Variants in ERC2 observed in about 807,000 individuals in gnomAD.
ERC2 encodes the protein ELKS/RAB6-interacting/CAST family member 2.
ERC2 carries 42 observed loss-of-function variants against 114.8 expected under a neutral mutation model. The observed-to-expected ratio is 0.37, with a 90% confidence interval of 0.29 to 0.47. The LOEUF is 0.47. Ranked by LOEUF, ERC2 falls within the 20% of genes least tolerant of loss-of-function variation. ERC2 has a pLI of 0.99. For missense variants in ERC2, 939 were observed against 1,150.7 expected (o/e 0.82, Z 2.66); for synonymous variants, 454 against 425.5 (o/e 1.07, Z -0.82).
chr3:56,133,173 C>T lies in ERC2; in HGVS notation c.1473+6336G>A, dbSNP rs112684006. On this transcript the variant is annotated intron_variant, in intron 6 of 17. Coordinates refer to ENST00000288221, the MANE Select transcript of ERC2 (RefSeq NM_015576.3). ...TTAAATGAGGCCAGACATGGTGGCT[C>T]ACGCCTGTAATCCCAGCATTTTGGG... Among the ~76,000 whole-genome samples the T allele has an allele frequency of 3.6e-3, 543 of 152,320 alleles. 5 individuals carry two copies. The highest frequency in any genetic ancestry group is 0.012 in the African/African-American group (505 of 41,562).
intron 17 of ERC2, among the ~76,000 whole-genome samples, chr3:55,543,173 T>C (rs1485434785): frequency 1.3e-5 from 2 of 151,566 alleles, no homozygotes; most frequent in Non-Finnish European, 2.9e-5. Flanking sequence ...AGTGGAGGAG[T>C]AAGGCTGAAA....
intron 3 of ERC2, among the ~76,000 whole-genome samples, chr3:56,175,662 A>G (rs947999548): frequency 1.3e-5 from 2 of 152,108 alleles, no homozygotes; most frequent in Non-Finnish European, 2.9e-5. Flanking sequence ...CTGCACCCCC[A>G]TGGCCAATAT....
At chr3:56,117,589 G>C (rs191743701) in intron 6 of ERC2, among the ~76,000 whole-genome samples, 3 of 152,350 alleles carry the variant, frequency 2.0e-5, no homozygotes, top group East Asian at 1.9e-4. Flanking sequence ...ATCAGGATAA[G>C]AGGACTCCCT....
At position 55,833,270 on chromosome 3, in the gene ERC2, T is replaced by C. The variant is rs191136840; in HGVS notation, c.2564+55119A>G. Among the ~76,000 whole-genome samples the C allele has an allele frequency of 1.8e-3, 271 of 150,344 alleles. 5 individuals are homozygous for C. Among genetic ancestry groups the C allele is most frequent in the African/African-American group, 6.3e-3 (254 of 40,064 alleles). ...GGAAATACAGAGAACACCACAAAGA[T>C]ACTCCTCGAGAAGAGCAACTCCAAG... is the stretch of plus-strand genomic sequence containing the variant. On this transcript the variant is annotated intron_variant, in intron 14 of 17. Coordinates refer to ENST00000288221, the MANE Select transcript of ERC2 (RefSeq NM_015576.3).
intron 2 of ERC2, among the ~76,000 whole-genome samples, chr3:56,328,727 A>T: frequency 6.6e-6 from 1 of 152,152 alleles, no homozygotes; most frequent in East Asian, 1.9e-4. Flanking sequence ...GGAAACTGGG[A>T]TAGAGAGAGG....
chr3:56,440,306 G>A (rs1473819321), intron 1 of ERC2, among the ~76,000 whole-genome samples: 2 of 152,174 alleles, frequency 1.3e-5, no homozygotes, highest in Non-Finnish European at 2.9e-5. Flanking sequence ...CACTTTGGGA[G>A]GCCGAGGCGG....
intron 2 of ERC2, among the ~76,000 whole-genome samples, chr3:56,369,271 C>A (rs1005252520): frequency 1.3e-5 from 2 of 152,172 alleles, no homozygotes; most frequent in Non-Finnish European, 2.9e-5. Context: ...GTACCCACTC[C>A]TTTGATCTTA....
chr3:56,261,654 C>T (rs2052938771), intron 3 of ERC2, among the ~76,000 whole-genome samples: 1 of 152,140 alleles, frequency 6.6e-6, no homozygotes, highest in African/African-American at 2.4e-5. Flanking sequence ...CTACAGGGAG[C>T]CTTTAGGATT....
chr3:55,867,808 G>A (rs1167489324), intron 14 of ERC2, among the ~76,000 whole-genome samples: 1 of 151,724 alleles, frequency 6.6e-6, no homozygotes. Flanking sequence ...CACTGCTATT[G>A]GTCACTTTAA....
At position 55,811,012 on chromosome 3, in the gene ERC2, G is replaced by T. The variant is rs2059701210; in HGVS notation, c.2565-76094C>A. On this transcript the variant is annotated intron_variant, in intron 14 of 17. Transcript: ENST00000288221. The stretch of plus-strand genomic sequence containing the variant: ...CAGAAACCTACAATTCCCATGTTAG[G>T]AGGAGTGCTGTTCAGAGCTGTCAGA... Among the ~76,000 whole-genome samples, 4 of 152,266 alleles carry T rather than the reference G, an allele frequency of 2.6e-5. No homozygotes were observed. In the South Asian group the frequency reaches 6.2e-4, roughly 24 times the overall value.
chr3:55,548,628 A>G (rs2054926738), intron 17 of ERC2, among the ~76,000 whole-genome samples: 1 of 152,244 alleles, frequency 6.6e-6, no homozygotes, highest in Admixed American at 6.5e-5. Flanking sequence ...GAGAGAAGGC[A>G]TCCAAATTCT....
At chr3:56,222,516 C>A (rs1264362218) in intron 3 of ERC2, among the ~76,000 whole-genome samples, 1 of 152,076 alleles carries the variant, frequency 6.6e-6, no homozygotes, top group Non-Finnish European at 1.5e-5. Context: ...GAGGCCTTGT[C>A]TGACTGTTTA....
intron 14 of ERC2, among the ~76,000 whole-genome samples, chr3:55,749,826 CTT>C (rs1469286584): frequency 2.6e-5 from 4 of 152,208 alleles, no homozygotes; most frequent in Non-Finnish European, 5.9e-5. Context: ...ACTGCCCACT[CTT>C]TGGATCAGTG....
At chr3:56,141,444 G>C (rs1262093663) in intron 5 of ERC2, among the ~76,000 whole-genome samples, 1 of 152,146 alleles carries the variant, frequency 6.6e-6, no homozygotes, top group Non-Finnish European at 1.5e-5. Flanking sequence ...GACCACCATG[G>C]TGTGAGGAAG....
intron 1 of ERC2, among the ~76,000 whole-genome samples, chr3:56,437,265 C>T (rs771711657): frequency 2.5e-4 from 38 of 152,320 alleles, no homozygotes; most frequent in Admixed American, 9.2e-4. Context: ...ACAGGCAAGC[C>T]GCCCCAAGAT....
chr3:55,654,501 C>T (rs1266403961), intron 17 of ERC2, among the ~76,000 whole-genome samples: 1 of 152,226 alleles, frequency 6.6e-6, no homozygotes, highest in East Asian at 1.9e-4. Context: ...TTGTACTTGG[C>T]AGCTAAGGAG....
chr3:55,523,604 C>T (rs1308518615), intron 17 of ERC2, among the ~76,000 whole-genome samples: 1 of 152,192 alleles, frequency 6.6e-6, no homozygotes, highest in Admixed American at 6.5e-5. Flanking sequence ...TTCTGGGCAA[C>T]TTGGCATCAG....
chr3:56,377,283 A>G (rs1576660094), intron 2 of ERC2, among the ~76,000 whole-genome samples: 1 of 152,240 alleles, frequency 6.6e-6, no homozygotes, highest in Non-Finnish European at 1.5e-5. Context: ...ATGGAAGAGT[A>G]TGATCCTTTT....
intron 17 of ERC2, among the ~76,000 whole-genome samples, chr3:55,526,104 G>C (rs930454679): frequency 6.6e-6 from 1 of 152,106 alleles, no homozygotes; most frequent in African/African-American, 2.4e-5. Flanking sequence ...TGGGGTGATG[G>C]AAGCAGAGGG....
Sources: gnomAD v4.1 joint callset for allele counts (sites outside exome capture counted in the v4.1 genomes callset) on GRCh38, gnomAD v4.1.1 for gene constraint, MANE v1.5 for transcripts, NCBI Gene and HGNC (gene_info 2026-07-23, HGNC 2026-07-21) for gene names.